Variants in CACNA2D4 observed in about 807,000 individuals in gnomAD.
CACNA2D4 encodes voltage-dependent calcium channel subunit alpha-2/delta-4.
In CACNA2D4, 157 loss-of-function variants were observed where a neutral mutation model predicts 163.8. That is an observed-to-expected ratio of 0.96 (90% CI 0.84 to 1.09). The LOEUF (loss-of-function observed/expected upper bound fraction) is 1.09. Among genes scored for constraint, CACNA2D4 ranks in the 50% least tolerant of loss-of-function variants. The pLI, the probability that CACNA2D4 is intolerant of heterozygous loss-of-function variation, is 0.00. For missense variants in CACNA2D4, 1,410 were observed against 1,479.9 expected, an observed-to-expected ratio of 0.95 and a Z score of 0.78; for synonymous variants, 598 against 586.9, an observed-to-expected ratio of 1.02 and a Z score of -0.27.
intron 23 of CACNA2D4, among the ~76,000 whole-genome samples, chr12:1,847,848 A>C: frequency 8.1e-6 from 1 of 123,194 alleles, no homozygotes; most frequent in Non-Finnish European, 1.7e-5. Context: ...TAATTTATAC[A>C]ATCAAAATAG....
chr12:1,822,213 G>A (rs556970205), intron 26 of CACNA2D4: 5 of 152,314 alleles, frequency 3.3e-5, no homozygotes, highest in African/African-American at 7.2e-5. Context: ...CTGGGCCCAC[G>A]AGGAGCAAAC....
intron 22 of CACNA2D4, 59 bp from the exon 23 acceptor site, chr12:1,854,103 C>T: frequency 8.0e-7 from 1 of 1,244,712 alleles, no homozygotes; most frequent in Non-Finnish European, 1.1e-6. Flanking sequence ...ATGAACACAA[C>T]TCTCCCATCC....
Position 1,792,383 on chromosome 12 carries a change from T to A in CACNA2D4, c.*1272A>T, listed in dbSNP as rs1275667617. Reference sequence around the variant, plus strand: ...ACTCTAGAGGCAAGTTAGGGCTATTTGCTGGTAGGAAACTTGAACAGCTTT... The same window carrying A: ...ACTCTAGAGGCAAGTTAGGGCTATTAGCTGGTAGGAAACTTGAACAGCTTT... On this transcript the variant is annotated 3_prime_UTR_variant, in exon 38 of 38. Transcript: ENST00000382722. 1 of 152,278 alleles carries A rather than the reference T, an allele frequency of 6.6e-6. No individual in the cohort carries two copies. Among genetic ancestry groups the A allele is most frequent in the African/African-American group, 2.4e-5 (1 of 41,468 alleles). 9.4% of individuals were successfully genotyped at this position (152,278 alleles called of 1,614,324 possible). A position where few individuals can be genotyped will look rare whatever the true frequency, so the allele number is the denominator to read the frequency against.
intron 31 of CACNA2D4, 97 bp from the exon 32 acceptor site, chr12:1,800,535 G>A: frequency 1.6e-6 from 2 of 1,253,678 alleles, no homozygotes; most frequent in South Asian, 1.3e-5. Context: ...ACCAGAGAGT[G>A]GGCTGCCCTG....
At chr12:1,838,198 G>T (rs996151663) in intron 26 of CACNA2D4, among the ~76,000 whole-genome samples, 1 of 152,200 alleles carries the variant, frequency 6.6e-6, no homozygotes, top group South Asian at 2.1e-4. Context: ...GGATGAACGC[G>T]ATCTCTACTG....
rs370089468 is a variant in CACNA2D4 at position 1,795,313 on chromosome 12, C to T, written c.3295G>A (p.Ala1099Thr). Residue 1099 changes from alanine (A) to threonine (T), a missense_variant, in exon 37 of 38, where the codon GCC (alanine) becomes ACC (threonine). By Grantham distance (58) the Ala-to-Thr change is moderately conservative. Coordinates refer to ENST00000382722, the MANE Select transcript of CACNA2D4 (RefSeq NM_172364.5). ...KLRRRPDSCH[A>T]FHPEENAQDC... ...TCAACCCGCACCTCTGGATGGAAGG[C>T]GTGGCAGGAGTCTGGTCGCCGGCGG... 12 of 1,612,990 alleles carry T rather than the reference C, an allele frequency of 7.4e-6. No homozygotes were observed. The highest frequency in any genetic ancestry group is 1.0e-5 in the Non-Finnish European group (12 of 1,179,848).
chr12:1,840,421 G>A (rs1864989537), intron 26 of CACNA2D4, among the ~76,000 whole-genome samples: 1 of 100,412 alleles, frequency 1.0e-5, no homozygotes. Flanking sequence ...GCTTGCATAC[G>A]GTAAATATAT....
rs1415089953 is a variant in CACNA2D4, at chr12:1,793,173, A to G, written c.*482T>C. On this transcript the variant is annotated 3_prime_UTR_variant, in exon 38 of 38. Coordinates refer to ENST00000382722, the MANE Select transcript of CACNA2D4 (RefSeq NM_172364.5). ...GGAATCTATGCTTTAGTTGGGGCAT[A>G]TTCTTGCCTTAGCCTCATCTCTGCA... The G allele has an allele frequency of 6.4e-6, 1 of 155,834 alleles. No homozygotes were observed. Among genetic ancestry groups the G allele is most frequent in the East Asian group, 1.9e-4 (1 of 5,362 alleles). 9.7% of individuals were successfully genotyped at this position (155,834 alleles called of 1,614,324 possible).
intron 26 of CACNA2D4, among the ~76,000 whole-genome samples, chr12:1,813,115 AGT>A (rs1467287108): frequency 9.2e-5 from 14 of 152,150 alleles, no homozygotes; most frequent in Admixed American, 3.9e-4. Context: ...CTGCAAGATG[AGT>A]CACGGTTCTA....
At position 1,833,367 on chromosome 12, in the gene CACNA2D4, G is replaced by C. The variant is rs1446281624; in HGVS notation, c.2551+7372C>G. Among the ~76,000 whole-genome samples the C allele has an allele frequency of 6.6e-6, 1 of 152,152 alleles. No homozygotes were observed. The highest frequency in any genetic ancestry group is 6.5e-5 in the Admixed American group (1 of 15,282). On this transcript the variant is annotated intron_variant, in intron 26 of 37. Transcript: ENST00000382722. The surrounding 1 kb of genome is among the most constrained non-coding windows in gnomAD (Gnocchi z 4.2). Reference sequence around the variant, plus strand: ...GCCAGAATCCAACTTTCACTTCCTAGGGGAGGTCTAGACAGATTATTGTCC... The same window carrying C: ...GCCAGAATCCAACTTTCACTTCCTACGGGAGGTCTAGACAGATTATTGTCC...
intron 6 of CACNA2D4, among the ~76,000 whole-genome samples, chr12:1,900,334 T>C (rs910913783): frequency 1.3e-5 from 2 of 152,156 alleles, no homozygotes; most frequent in Non-Finnish European, 2.9e-5. Flanking sequence ...GAGGTCTCAC[T>C]ATGTTACCCA....
chr12:1,801,716 A>G lies in CACNA2D4; in HGVS notation c.2722-72T>C, dbSNP rs138140709. On this transcript the variant is annotated intron_variant, in intron 29 of 37. Transcript: ENST00000382722. ...CAGGATGGAGCCTTCCGAGTCCAGC[A>G]CTATTTATTCAGCTCAGGTCGAGGC... 9.2e-5 allele frequency: 99 copies of G among 1,077,434 alleles called. No homozygotes were observed. The African/African-American group carries it at 1.4e-3, about 15-fold the overall frequency. 66.7% of individuals were successfully genotyped at this position (1,077,434 alleles called of 1,614,324 possible).
chr12:1,856,626 A>G (rs1650781805), intron 20 of CACNA2D4, among the ~76,000 whole-genome samples: 1 of 152,142 alleles, frequency 6.6e-6, no homozygotes, highest in African/African-American at 2.4e-5. Flanking sequence ...GCTGCATCTT[A>G]TTCCTCCTAG....
At chr12:1,902,101 A>G (rs1395528531) in intron 6 of CACNA2D4, among the ~76,000 whole-genome samples, 1 of 152,156 alleles carries the variant, frequency 6.6e-6, no homozygotes, top group Non-Finnish European at 1.5e-5. Context: ...AACAGAAAGA[A>G]GGAAAAAAAC....
rs952302836 is a variant in CACNA2D4, at chr12:1,792,468, A to G, written c.*1187T>C. ...ATGGAGGAGCGGGGGGAAGCGCCCC[A>G]AAAGCCCTGCATGCTGTCCATACCC... On this transcript the variant is annotated 3_prime_UTR_variant, in exon 38 of 38. Coordinates refer to ENST00000382722, the MANE Select transcript of CACNA2D4 (RefSeq NM_172364.5). 3.3e-5 allele frequency: 5 copies of G among 152,302 alleles called. No homozygotes were observed. Among genetic ancestry groups the G allele is most frequent in the African/African-American group, 1.2e-4 (5 of 41,476 alleles). The allele number at this position is 152,302 out of a possible 1,614,324, so 9.4% of individuals were successfully genotyped here. A position where few individuals can be genotyped will look rare whatever the true frequency, so the allele number is the denominator to read the frequency against.
At chr12:1,861,929 T>C (rs1282691527) in intron 18 of CACNA2D4, among the ~76,000 whole-genome samples, 1 of 152,232 alleles carries the variant, frequency 6.6e-6, no homozygotes, top group Non-Finnish European at 1.5e-5. Flanking sequence ...AACTCTGTTC[T>C]GGATTCTGTC....
intron 8 of CACNA2D4, 84 bp downstream of exon 8, chr12:1,886,139 G>A: frequency 1.2e-5 from 18 of 1,557,048 alleles, no homozygotes; most frequent in Admixed American, 1.7e-5. Context: ...TCACCGGGTG[G>A]TCAGGGGTTG....
At chr12:1,906,489 T>G (rs752530267) in intron 6 of CACNA2D4, among the ~76,000 whole-genome samples, 1 of 152,132 alleles carries the variant, frequency 6.6e-6, no homozygotes, top group African/African-American at 2.4e-5. Context: ...AATAGTGCAA[T>G]TCAAAATAGT....
At chr12:1,864,246 CAGCAA>C (rs138782059) in intron 18 of CACNA2D4, among the ~76,000 whole-genome samples, 328 of 152,322 alleles carry the variant, frequency 2.2e-3, no homozygotes, top group African/African-American at 7.6e-3. Context: ...AATCTGAGTG[CAGCAA>C]AGAATGAGGA....
Sources: allele counts gnomAD v4.1 joint callset (sites outside exome capture counted in the v4.1 genomes callset), GRCh38; gene constraint gnomAD v4.1.1; non-coding constraint Gnocchi (gnomAD v3.1); transcripts MANE v1.5; gene names NCBI Gene and HGNC (gene_info 2026-07-23, HGNC 2026-07-21).